The following GPR161 variants were observed in gnomAD, a reference collection of about 807,000 sequenced individuals.
GPR161 encodes the protein G-protein coupled receptor RE2.
Under a neutral mutation model 39.2 loss-of-function variants are expected in GPR161, and 25 were observed. The observed-to-expected ratio is 0.64, with a 90% CI of 0.47 to 0.89. The LOEUF is 0.89. Among genes scored for constraint, GPR161 ranks in the 40% least tolerant of loss-of-function variants. The pLI is 0.00. For missense variants in GPR161, 547 were observed against 677.8 expected, an observed-to-expected ratio of 0.81 and a Z score of 2.14; for synonymous variants, 286 against 276.6, an observed-to-expected ratio of 1.03 and a Z score of -0.34.
chr1:168,116,557 A>G lies in GPR161; in HGVS notation c.-44-11663T>C, dbSNP rs375789902. On this transcript the variant is annotated intron_variant, in intron 1 of 5. Transcript: ENST00000682931. Reference sequence around the variant, plus strand: ...GAAAGGGAACCCTACTCTCATTCCAACCACAAACCAGGCCACACAGCTCGT... The same window carrying G: ...GAAAGGGAACCCTACTCTCATTCCAGCCACAAACCAGGCCACACAGCTCGT... Among the ~76,000 whole-genome samples the G allele has an allele frequency of 9.9e-5, 15 of 152,278 alleles. 1 individual carries two copies. The highest frequency in any genetic ancestry group is 3.9e-4 in the East Asian group (2 of 5,182).
At chr1:168,105,612 C>T (rs1030842412) in intron 1 of GPR161, among the ~76,000 whole-genome samples, 1 of 152,150 alleles carries the variant, frequency 6.6e-6, no homozygotes, top group African/African-American at 2.4e-5. Context: ...TCAGACACGG[C>T]GAGGGAGGGC....
chr1:168,132,544 C>T (rs1395154387), intron 1 of GPR161, among the ~76,000 whole-genome samples: 20 of 143,752 alleles, frequency 1.4e-4, no homozygotes, highest in African/African-American at 2.1e-4. Context: ...GCCGAGATCG[C>T]GCCACTGAAC....
rs1694349623 is a variant in GPR161, at chr1:168,085,051, G to C, written c.*480C>G. 1 of 456,322 alleles carries C rather than the reference G, an allele frequency of 2.2e-6. No homozygotes were observed. The highest frequency in any genetic ancestry group is 4.4e-6 in the Non-Finnish European group (1 of 227,122). The allele number at this position is 456,322 out of a possible 1,614,324, so 28.3% of individuals were successfully genotyped here. On this transcript the variant is annotated 3_prime_UTR_variant, in exon 6 of 6. Transcript: ENST00000682931. ...ACCATGTAGAGGCACCAGGACGGTCGCGTGTCATTAGGAAGAAGTGCTGTG... is the reference window on the plus strand; with the variant it reads ...ACCATGTAGAGGCACCAGGACGGTCCCGTGTCATTAGGAAGAAGTGCTGTG...
chr1:168,090,514 A>G (rs1338121574), intron 4 of GPR161, 50 bp downstream of exon 4: 4 of 1,105,594 alleles, frequency 3.6e-6, no homozygotes, highest in Non-Finnish European at 4.1e-6. Flanking sequence ...GGGGAAACGC[A>G]ACACAGGGAA....
chr1:168,119,528 T>G (rs1385229503), intron 1 of GPR161, among the ~76,000 whole-genome samples: 1 of 151,864 alleles, frequency 6.6e-6, no homozygotes, highest in African/African-American at 2.4e-5. Flanking sequence ...GAGTTATAGT[T>G]TAATGAGAAT....
chr1:168,101,015 C>T (rs1019113702), intron 2 of GPR161, among the ~76,000 whole-genome samples: 3 of 152,066 alleles, frequency 2.0e-5, no homozygotes, highest in African/African-American at 7.2e-5. Context: ...CTGTGAATTT[C>T]GCTCCAGGCA....
intron 1 of GPR161, among the ~76,000 whole-genome samples, chr1:168,114,838 T>C (rs1697493232): frequency 6.6e-6 from 1 of 152,232 alleles, no homozygotes; most frequent in East Asian, 1.9e-4. Flanking sequence ...CTTCATTTAT[T>C]TCTGGCCTAC....
rs1000792342 is a variant in GPR161 at position 168,085,772 on chromosome 1, T to G, written c.1349A>C (p.His450Pro). The change falls in exon 6 of 6, where the codon CAT becomes CCT. Residue 450 changes from histidine (H) to proline (P), a missense_variant. Coordinates refer to ENST00000682931, the MANE Select transcript of GPR161 (RefSeq NM_001375883.1). Reference protein sequence around the residue: ...IKEAAKNSILHVKAEVHKSLD... With the variant: ...IKEAAKNSILPVKAEVHKSLD... ...GGACTTGTGTACTTCAGCTTTCACA[T>G]GAAGAATCGAGTTCTTGGCAGCTTC... 2.5e-6 allele frequency: 4 copies of G among 1,612,962 alleles called. No individual in the cohort carries two copies. The Admixed American group carries it at 6.7e-5, about 27-fold the overall frequency.
chr1:168,096,193 C>G (rs931067352), intron 3 of GPR161, among the ~76,000 whole-genome samples: 1 of 150,734 alleles, frequency 6.6e-6, no homozygotes, highest in Admixed American at 6.6e-5. Flanking sequence ...CACTCTGAGG[C>G]CAGAGGGCCA....
chr1:168,081,702 TTCACCATCC>T lies in GPR161; in HGVS notation c.*3820_*3828del, dbSNP rs1443462232. The T allele has an allele frequency of 1.3e-5, 2 of 152,288 alleles. No homozygotes were observed. The highest frequency in any genetic ancestry group is 4.8e-5 in the African/African-American group (2 of 41,468). The allele number at this position is 152,288 out of a possible 1,614,324, so 9.4% of individuals were successfully genotyped here. The stretch of plus-strand genomic sequence containing the variant: ...CTCATGACTTAACCATACCCACGTC[TTCACCATCC>T]TCACTATATCACACTTGCACTGGGG... On this transcript the variant is annotated 3_prime_UTR_variant, in exon 6 of 6. Coordinates refer to ENST00000682931, the MANE Select transcript of GPR161 (RefSeq NM_001375883.1).
chr1:168,104,423 C>T (rs1461256446), intron 2 of GPR161, 54 bp downstream of exon 2: 23 of 1,452,994 alleles, frequency 1.6e-5, no homozygotes, highest in Non-Finnish European at 2.1e-5. Flanking sequence ...GACACTGCAC[C>T]AGATGAGCGC....
In GPR161 at chr1:168,136,505, GC is replaced by G. The variant is rs1269197708; in HGVS notation, c.-45+233del. On this transcript the variant is annotated intron_variant, in intron 1 of 5. Coordinates refer to ENST00000682931, the MANE Select transcript of GPR161 (RefSeq NM_001375883.1). ...GCCCCAGGCCGCAGGGGAGGGGCGC[GC>G]CCCCAACATCTTCCCACAAAGAGCT... 4 of 1,259,394 alleles carry G rather than the reference GC, an allele frequency of 3.2e-6. No homozygotes were observed. The African/African-American group carries it at 6.2e-5, about 20-fold the overall frequency. The allele number at this position is 1,259,394 out of a possible 1,614,324, so 78.0% of individuals were successfully genotyped here.
At chr1:168,135,484 G>A (rs1166210294) in intron 1 of GPR161, among the ~76,000 whole-genome samples, 1 of 152,218 alleles carries the variant, frequency 6.6e-6, no homozygotes, top group African/African-American at 2.4e-5. Flanking sequence ...TACAGTTGAA[G>A]AGCCTCTGTC....
At chr1:168,123,581 T>TACACACACACACACACACAC (rs1558135120) in intron 1 of GPR161, among the ~76,000 whole-genome samples, 6 of 120,006 alleles carry the variant, frequency 5.0e-5, no homozygotes, top group African/African-American at 2.0e-4. Context: ...CACACACACT[T>TACACACACACACACACACAC]GTTTGCATGG....
chr1:168,104,991 C>T (rs183639715), intron 1 of GPR161, 97 bp from the exon 2 acceptor site: 67 of 869,182 alleles, frequency 7.7e-5, no homozygotes, highest in Admixed American at 7.7e-4. Context: ...TTAAGTGCTA[C>T]GCCTCAGATC....
chr1:168,136,851 G>T lies in GPR161; in HGVS notation c.-157C>A. On this transcript the variant is annotated 5_prime_UTR_variant, in exon 1 of 6. Transcript: ENST00000682931. Reference sequence around the variant, plus strand: ...CGCGCTCCGGGACTGGAGGTTTCGGGTTTCAGCCCACCGAGCCCCGCTTCG... The same window carrying T: ...CGCGCTCCGGGACTGGAGGTTTCGGTTTTCAGCCCACCGAGCCCCGCTTCG... The T allele has an allele frequency of 1.0e-6, 1 of 983,398 alleles. No homozygotes were observed. Among genetic ancestry groups the T allele is most frequent in the Non-Finnish European group, 1.2e-6 (1 of 828,938 alleles). 60.9% of individuals were successfully genotyped at this position (983,398 alleles called of 1,614,324 possible).
intron 1 of GPR161, chr1:168,136,235 C>T (rs1362678008): frequency 1.5e-6 from 2 of 1,309,250 alleles, no homozygotes; most frequent in East Asian, 6.2e-5. Context: ...CCCTGAGTCC[C>T]GGCTGGGAGA....
At chr1:168,111,135 A>C (rs1424619879) in intron 1 of GPR161, among the ~76,000 whole-genome samples, 1 of 152,242 alleles carries the variant, frequency 6.6e-6, no homozygotes, top group African/African-American at 2.4e-5. Context: ...ATGGGCTAAG[A>C]AAATCCAACG....
chr1:168,124,709 GT>G (rs1215076876), intron 1 of GPR161, among the ~76,000 whole-genome samples: 4 of 152,216 alleles, frequency 2.6e-5, no homozygotes, highest in Admixed American at 2.6e-4. Context: ...TAAATCCCAT[GT>G]TGAAATGTGA....
Sources: allele counts gnomAD v4.1 joint callset (sites outside exome capture counted in the v4.1 genomes callset), GRCh38; gene constraint gnomAD v4.1.1; transcripts MANE v1.5; gene names NCBI Gene and HGNC (gene_info 2026-07-23, HGNC 2026-07-21).